EPHA5: variants seen among roughly 807,000 people sequenced by gnomAD.
EPHA5 encodes the protein ephrin type-A receptor 5.
In EPHA5, 60 loss-of-function variants were observed where a neutral mutation model predicts 105.0. The observed-to-expected ratio is 0.57, with a 90% CI of 0.46 to 0.71. EPHA5 has a LOEUF of 0.71. Among genes scored for constraint, EPHA5 ranks in the 30% least tolerant of loss-of-function variants. The pLI is 0.00. For missense variants in EPHA5, 1,218 were observed against 1,274.7 expected, an observed-to-expected ratio of 0.96 and a Z score of 0.68; for synonymous variants, 513 against 449.1, an observed-to-expected ratio of 1.14 and a Z score of -1.80.
intron 8 of EPHA5, among the ~76,000 whole-genome samples, chr4:65,375,177 A>G (rs959739367): frequency 2.0e-5 from 3 of 151,776 alleles, no homozygotes; most frequent in African/African-American, 7.2e-5. Context: ...AATTTGTTTT[A>G]TTTTACCAAG....
chr4:65,525,831 A>G (rs1735175586), intron 3 of EPHA5, among the ~76,000 whole-genome samples: 2 of 151,788 alleles, frequency 1.3e-5, no homozygotes, highest in Admixed American at 1.3e-4. Context: ...GTACCATGGG[A>G]TTTTTTCAGA....
At chr4:65,444,512 C>G (rs964524412) in intron 5 of EPHA5, among the ~76,000 whole-genome samples, 1 of 152,012 alleles carries the variant, frequency 6.6e-6, no homozygotes, top group Admixed American at 6.6e-5. Flanking sequence ...TGTATATATA[C>G]CTTGTCTGGT....
At chr4:65,485,808 T>C (rs1291484578) in intron 5 of EPHA5, among the ~76,000 whole-genome samples, 1 of 152,108 alleles carries the variant, frequency 6.6e-6, no homozygotes, top group African/African-American at 2.4e-5. Context: ...GCACTTTGAA[T>C]TAAAAGAAAT....
intron 5 of EPHA5, among the ~76,000 whole-genome samples, chr4:65,466,472 T>C (rs181237088): frequency 1.0e-3 from 155 of 152,288 alleles, no homozygotes; most frequent in Non-Finnish European, 1.7e-3. Flanking sequence ...TTAGAGGGTT[T>C]TGAGGAGGGA....
At chr4:65,390,410 C>A (rs1336564972) in intron 8 of EPHA5, among the ~76,000 whole-genome samples, 4 of 152,040 alleles carry the variant, frequency 2.6e-5, no homozygotes, top group Non-Finnish European at 5.9e-5. Flanking sequence ...TTTCCCCTCA[C>A]TCCTGTCTTC....
At chr4:65,515,517 G>C (rs1385819572) in intron 3 of EPHA5, among the ~76,000 whole-genome samples, 9 of 152,038 alleles carry the variant, frequency 5.9e-5, no homozygotes, top group Admixed American at 5.2e-4. Context: ...ACAATATTCT[G>C]TAGTTTCCAG....
At chr4:65,460,999 A>G (rs984785540) in intron 5 of EPHA5, among the ~76,000 whole-genome samples, 63 of 152,008 alleles carry the variant, frequency 4.1e-4, no homozygotes, top group Middle Eastern at 3.4e-3. Context: ...AAATAACCAT[A>G]ACACTGGAAA....
chr4:65,382,456 C>T (rs960339764), intron 8 of EPHA5, among the ~76,000 whole-genome samples: 20 of 151,616 alleles, frequency 1.3e-4, no homozygotes, highest in Non-Finnish European at 2.2e-4. Context: ...ATACAATTTG[C>T]TTATTCCAAT....
chr4:65,371,676 T>A (rs1718483851), intron 8 of EPHA5, among the ~76,000 whole-genome samples: 1 of 152,024 alleles, frequency 6.6e-6, no homozygotes, highest in South Asian at 2.1e-4. Flanking sequence ...TAAATGGCAC[T>A]CTTGTGACCA....
rs559253947 is a variant in EPHA5, at chr4:65,601,948, A to G, written c.603T>C (p.Asp201=). Residue 201 remains aspartate, a synonymous_variant, in exon 3 of 17, where the codon GAT becomes GAC. Transcript: ENST00000613740. Reference sequence around the variant, plus strand: ...ATCCCTTTTTGCTTAGAGGTCCTACATCTCTGACCTCTGTATTCAGTTTCA... The same window carrying G: ...ATCCCTTTTTGCTTAGAGGTCCTACGTCTCTGACCTCTGTATTCAGTTTCA... ...RVMKLNTEVR[D]VGPLSKKGFY... 21 of 1,614,156 alleles carry G rather than the reference A, an allele frequency of 1.3e-5. No individual in the cohort carries two copies. Among genetic ancestry groups the G allele is most frequent in the Middle Eastern group, 3.3e-4 (2 of 6,062 alleles).
intron 3 of EPHA5, among the ~76,000 whole-genome samples, chr4:65,551,347 G>A (rs1455833998): frequency 6.6e-6 from 1 of 151,544 alleles, no homozygotes; most frequent in Non-Finnish European, 1.5e-5. Context: ...ATGTTTGAGA[G>A]TGAAAGGAAT....
intron 2 of EPHA5, among the ~76,000 whole-genome samples, chr4:65,603,826 T>G (rs4624709): frequency 0.87 from 132,158 of 151,976 alleles, 57,822 homozygotes; most frequent in Non-Finnish European, 0.91. Context: ...CTTAGCTCCC[T>G]ATTTTCTAAA....
intron 8 of EPHA5, among the ~76,000 whole-genome samples, chr4:65,368,132 A>C (rs547370338): frequency 7.9e-5 from 12 of 152,192 alleles, no homozygotes; most frequent in African/African-American, 2.9e-4. Context: ...TGATGGATTG[A>C]AATCCCTCAC....
rs568019963 is a variant in EPHA5, at chr4:65,395,115, A to T, written c.1793+9259T>A. On this transcript the variant is annotated intron_variant, in intron 8 of 16. Transcript: ENST00000613740. ...ATTTTACTATCAAGTCATTGCTTTG[A>T]CTAACATAAGAACTGTGCCAGGCAT... is the stretch of plus-strand genomic sequence containing the variant. Among the ~76,000 whole-genome samples the T allele has an allele frequency of 4.7e-4, 72 of 152,296 alleles. 1 individual carries two copies. Among genetic ancestry groups the T allele is most frequent in the African/African-American group, 1.7e-3 (71 of 41,574 alleles).
chr4:65,589,408 T>A lies in EPHA5; in HGVS notation c.910+12233A>T, dbSNP rs72642651. On this transcript the variant is annotated intron_variant, in intron 3 of 16. Coordinates refer to ENST00000613740, the MANE Select transcript of EPHA5 (RefSeq NM_001281766.3). ...GGAGCACAACCTGACTTAAATGGGCTCTATTATTACTGTTAAAGTTCCCTC... is the reference window on the plus strand; with the variant it reads ...GGAGCACAACCTGACTTAAATGGGCACTATTATTACTGTTAAAGTTCCCTC... Among the ~76,000 whole-genome samples the A allele has an allele frequency of 1.6e-3, 243 of 152,238 alleles. 1 individual carries two copies. The highest frequency in any genetic ancestry group is 2.3e-3 in the Non-Finnish European group (158 of 68,012).
chr4:65,512,991 A>G (rs899624950), intron 3 of EPHA5, among the ~76,000 whole-genome samples: 2 of 152,242 alleles, frequency 1.3e-5, no homozygotes, highest in Non-Finnish European at 2.9e-5. Flanking sequence ...CTGTTGTCCT[A>G]TGATTAAGCA....
intron 8 of EPHA5, among the ~76,000 whole-genome samples, chr4:65,379,722 C>A (rs1438812639): frequency 6.6e-6 from 1 of 151,572 alleles, no homozygotes; most frequent in Non-Finnish European, 1.5e-5. Context: ...TATGACATTA[C>A]TAGACTAAAT....
intron 7 of EPHA5, among the ~76,000 whole-genome samples, chr4:65,409,399 T>C (rs2149004671): frequency 6.6e-6 from 1 of 151,244 alleles, no homozygotes; most frequent in East Asian, 1.9e-4. Context: ...GGAAAAAAGG[T>C]AATATTCTTT....
intron 16 of EPHA5, among the ~76,000 whole-genome samples, chr4:65,330,126 T>C (rs1354755606): frequency 6.6e-6 from 1 of 151,332 alleles, no homozygotes; most frequent in South Asian, 2.1e-4. Context: ...ACCAATACTT[T>C]CTGAATGGGA....
Sources: gnomAD v4.1 joint callset for allele counts (sites outside exome capture counted in the v4.1 genomes callset) on GRCh38, gnomAD v4.1.1 for gene constraint, MANE v1.5 for transcripts, NCBI Gene and HGNC (gene_info 2026-07-23, HGNC 2026-07-21) for gene names.